Variants in TTC7A observed in about 807,000 individuals in gnomAD.
TTC7A encodes tetratricopeptide repeat domain 7A, also known as tetratricopeptide repeat protein 7A.
A neutral mutation model predicts 103.7 loss-of-function variants in TTC7A; 110 were observed. That is an observed-to-expected ratio of 1.06 (90% CI 0.91 to 1.24). TTC7A has a LOEUF of 1.24. Ranked by LOEUF, TTC7A falls within the 50% of genes most tolerant of loss-of-function variation. The pLI is 0.00. For synonymous variants in TTC7A, 521 were observed against 467.9 expected, an observed-to-expected ratio of 1.11 and a Z score of -1.47; for missense variants, 1,340 against 1,116.3, an observed-to-expected ratio of 1.20 and a Z score of -2.86.
At chr2:46,953,272 G>C (rs1265953477) in intron 2 of TTC7A, among the ~76,000 whole-genome samples, 1 of 152,126 alleles carries the variant, frequency 6.6e-6, no homozygotes, top group Non-Finnish European at 1.5e-5. Flanking sequence ...TCCTGCTTCA[G>C]CCTCCTGAGT....
At position 46,980,554 on chromosome 2, in the gene TTC7A, A is replaced by G. The variant is rs540296737; in HGVS notation, c.764+1647A>G. Among the ~76,000 whole-genome samples the G allele has an allele frequency of 3.3e-5, 5 of 152,286 alleles. No individual in the cohort carries two copies. The East Asian group carries it at 9.6e-4, about 29-fold the overall frequency. ...CAACACAGGTCATTTCTGTGACCAA[A>G]TGTGGGGTTTTTTCCGCGACTCACA... On this transcript the variant is annotated intron_variant, in intron 5 of 19. Coordinates refer to ENST00000319190, the MANE Select transcript of TTC7A (RefSeq NM_020458.4).
chr2:47,057,956 C>T (rs1269880098), intron 18 of TTC7A, among the ~76,000 whole-genome samples: 2 of 152,204 alleles, frequency 1.3e-5, no homozygotes, highest in Middle Eastern at 3.2e-3. Context: ...TGTCCCCACT[C>T]TTTCTCCTCC....
intron 14 of TTC7A, among the ~76,000 whole-genome samples, chr2:47,024,724 G>A (rs1004714684): frequency 2.0e-5 from 3 of 152,066 alleles, no homozygotes; most frequent in Non-Finnish European, 4.4e-5. Flanking sequence ...GGCTCATGGA[G>A]CTGTTGCATG....
intron 15 of TTC7A, among the ~76,000 whole-genome samples, chr2:47,032,097 T>TC (rs1391164408): frequency 6.6e-6 from 1 of 152,174 alleles, no homozygotes; most frequent in African/African-American, 2.4e-5. Flanking sequence ...GCTGACTCCT[T>TC]CCCCAGGAAG....
chr2:46,915,977 C>T (rs2103780999), upstream of TTC7A: 1 of 985,432 alleles, frequency 1.0e-6, no homozygotes, highest in Non-Finnish European at 1.2e-6. Flanking sequence ...CGCAGTTCTT[C>T]TACCTGCTTT....
At chr2:46,915,927 C>T (rs1451588017), upstream of TTC7A, 7 of 985,156 alleles carry the variant, frequency 7.1e-6, no homozygotes, top group African/African-American at 3.5e-5. Flanking sequence ...TCGCGTGAGT[C>T]CACGTGTAAT....
At chr2:47,032,859 C>CAAAAA (rs10586448) in intron 15 of TTC7A, among the ~76,000 whole-genome samples, 2 of 87,984 alleles carry the variant, frequency 2.3e-5, no homozygotes, top group African/African-American at 3.8e-5. Flanking sequence ...TTGTTTTAAG[C>CAAAAA]AAAAAAAAAA....
intron 12 of TTC7A, among the ~76,000 whole-genome samples, chr2:47,022,659 A>G (rs1269865085): frequency 6.6e-6 from 1 of 151,956 alleles, no homozygotes; most frequent in Non-Finnish European, 1.5e-5. Flanking sequence ...ACCTCCCCCA[A>G]ACGCCAGTTG....
chr2:46,986,516 G>T (rs1257412356), intron 5 of TTC7A, among the ~76,000 whole-genome samples: 1 of 152,136 alleles, frequency 6.6e-6, no homozygotes, highest in East Asian at 1.9e-4. Context: ...GTGCTGGGGG[G>T]GAAAGAGGCA....
chr2:46,927,262 A>G (rs540005413), intron 2 of TTC7A, among the ~76,000 whole-genome samples: 29 of 152,294 alleles, frequency 1.9e-4, no homozygotes, highest in Non-Finnish European at 7.3e-5. Context: ...AATCCCAAGC[A>G]AAGTTAATGA....
intron 19 of TTC7A, among the ~76,000 whole-genome samples, chr2:47,063,003 G>A (rs1454723622): frequency 2.0e-5 from 3 of 152,216 alleles, no homozygotes; most frequent in African/African-American, 7.2e-5. Flanking sequence ...CCACACATAT[G>A]CATAAAGAAT....
At chr2:47,027,005 C>T (rs1043282719) in intron 14 of TTC7A, among the ~76,000 whole-genome samples, 10 of 152,166 alleles carry the variant, frequency 6.6e-5, no homozygotes, top group African/African-American at 1.9e-4. Context: ...GGGAGGGCCT[C>T]GTCAGCCCTG....
intron 2 of TTC7A, among the ~76,000 whole-genome samples, chr2:46,930,087 A>C (rs1321143200): frequency 6.6e-6 from 1 of 152,186 alleles, no homozygotes; most frequent in African/African-American, 2.4e-5. Context: ...ACTATGTATC[A>C]TAACCTAACC....
intron 3 of TTC7A, among the ~76,000 whole-genome samples, chr2:46,973,468 C>A (rs768875105): frequency 6.6e-6 from 1 of 151,854 alleles, no homozygotes; most frequent in Non-Finnish European, 1.5e-5. Context: ...CCGAGTGCGG[C>A]GGAGGATGGA....
At chr2:47,041,554 A>C (rs925159777) in intron 15 of TTC7A, among the ~76,000 whole-genome samples, 3 of 152,198 alleles carry the variant, frequency 2.0e-5, no homozygotes, top group Non-Finnish European at 4.4e-5. Context: ...GGAGTTCAAG[A>C]ACAGCCTGAC....
At chr2:47,049,607 C>T (rs1333667875) in intron 16 of TTC7A, among the ~76,000 whole-genome samples, 1 of 152,064 alleles carries the variant, frequency 6.6e-6, no homozygotes, top group Non-Finnish European at 1.5e-5. Flanking sequence ...GGCAGTCAGT[C>T]CACAGTCCCC....
intron 2 of TTC7A, among the ~76,000 whole-genome samples, chr2:46,920,254 C>T (rs73926963): frequency 0.012 from 1,789 of 152,174 alleles, 41 homozygotes; most frequent in African/African-American, 0.04. Flanking sequence ...CCTTTTGTCT[C>T]GCTCTCCTTT....
intron 3 of TTC7A, chr2:46,958,354 G>A (rs550428316): frequency 1.8e-6 from 1 of 550,652 alleles, no homozygotes; most frequent in Admixed American, 2.4e-5. Context: ...TGGCATTTGG[G>A]TCTTTCGGGT....
chr2:47,049,894 C>T lies in TTC7A; in HGVS notation c.1920-55C>T, dbSNP rs971867808. 3.0e-6 allele frequency: 4 copies of T among 1,350,310 alleles called. No homozygotes were observed. The African/African-American group carries it at 4.3e-5, about 15-fold the overall frequency. 83.6% of individuals were successfully genotyped at this position (1,350,310 alleles called of 1,614,324 possible). A position where few individuals can be genotyped will look rare whatever the true frequency, so the allele number is the denominator to read the frequency against. On this transcript the variant is annotated intron_variant, in intron 16 of 19. Coordinates refer to ENST00000319190, the MANE Select transcript of TTC7A (RefSeq NM_020458.4). Reference sequence around the variant, plus strand: ...GATGCTGGCCCTCTACCTCACTGGGCCCTGTGATGCTAGCCCTCTACCTTA... The same window carrying T: ...GATGCTGGCCCTCTACCTCACTGGGTCCTGTGATGCTAGCCCTCTACCTTA...
Sources: allele counts gnomAD v4.1 joint callset (sites outside exome capture counted in the v4.1 genomes callset), GRCh38; gene constraint gnomAD v4.1.1; transcripts MANE v1.5; gene names NCBI Gene and HGNC (gene_info 2026-07-23, HGNC 2026-07-21).